Variants in PRKN observed in about 807,000 individuals in gnomAD.
PRKN encodes E3 ubiquitin-protein ligase parkin.
Under a neutral mutation model 59.5 loss-of-function variants are expected in PRKN, and 56 were observed. The ratio of observed to expected loss-of-function variants is 0.94; its 90% CI spans 0.76 to 1.18. PRKN has a LOEUF of 1.18. PRKN is among the 50% of genes most tolerant of loss of function. The probability of loss-of-function intolerance (pLI) is 0.00; values close to 1 mark genes in which losing one functional copy is unlikely to be tolerated. For synonymous variants in PRKN, 250 were observed against 222.1 expected, an observed-to-expected ratio of 1.13 and a Z score of -1.12; for missense variants, 657 against 596.4, an observed-to-expected ratio of 1.10 and a Z score of -1.06.
intron 7 of PRKN, among the ~76,000 whole-genome samples, chr6:161,657,615 G>C (rs1784397507): frequency 6.6e-6 from 1 of 152,164 alleles, no homozygotes; most frequent in Non-Finnish European, 1.5e-5. Context: ...ATTGCTAACA[G>C]TCCACCAGTT....
intron 4 of PRKN, among the ~76,000 whole-genome samples, chr6:162,084,231 G>T (rs551187946): frequency 1.3e-5 from 2 of 152,014 alleles, no homozygotes; most frequent in African/African-American, 4.8e-5. Flanking sequence ...CAAAACCTGC[G>T]ATTACTTTTG....
chr6:161,959,157 T>A (rs1780289434), intron 6 of PRKN, among the ~76,000 whole-genome samples: 1 of 152,192 alleles, frequency 6.6e-6, no homozygotes, highest in Admixed American at 6.5e-5. Context: ...TCCTGCCTGT[T>A]GCCCAAGGGC....
chr6:162,531,370 A>C (rs1562361277), intron 1 of PRKN, among the ~76,000 whole-genome samples: 1 of 152,134 alleles, frequency 6.6e-6, no homozygotes, highest in Non-Finnish European at 1.5e-5. Context: ...AGAAAGAGTA[A>C]TTCACGCAGA....
At position 161,363,386 on chromosome 6, in the gene PRKN, T is replaced by C. The variant is rs1785059856; in HGVS notation, c.1168-3181A>G. 6.6e-6 allele frequency among the ~76,000 whole-genome samples: 1 copy of C among 152,252 alleles called. No homozygotes were observed. The highest frequency in any genetic ancestry group is 2.4e-5 in the African/African-American group (1 of 41,466). On this transcript the variant is annotated intron_variant, in intron 10 of 11. Transcript: ENST00000366898. The surrounding 1 kb of genome is among the most constrained non-coding windows in gnomAD (Gnocchi z 4.1). Reference sequence around the variant, plus strand: ...AATTTCTTTGTTTTGTCCATTTTTCTGGACATGAAACACTAATAATTAAAA... The same window carrying C: ...AATTTCTTTGTTTTGTCCATTTTTCCGGACATGAAACACTAATAATTAAAA...
chr6:162,208,068 G>A (rs1016567792), intron 3 of PRKN, among the ~76,000 whole-genome samples: 8 of 152,148 alleles, frequency 5.3e-5, no homozygotes, highest in African/African-American at 1.7e-4. Context: ...ATAAAAAAAT[G>A]TTTATATAGG....
At chr6:161,567,037 T>TTTTTTTTTGTGTG (rs548743646) in intron 8 of PRKN, among the ~76,000 whole-genome samples, 1 of 103,770 alleles carries the variant, frequency 9.6e-6, no homozygotes. Flanking sequence ...TTTTTTTTTT[T>TTTTTTTTTGTGTG]TGTGTGTGTG....
chr6:161,529,886 G>A lies in PRKN; in HGVS notation c.1083+18968C>T, dbSNP rs1779141705. 1.3e-5 allele frequency among the ~76,000 whole-genome samples: 2 copies of A among 152,146 alleles called. No homozygotes were observed. The highest frequency in any genetic ancestry group is 6.5e-5 in the Admixed American group (1 of 15,278). On this transcript the variant is annotated intron_variant, in intron 9 of 11. Transcript: ENST00000366898. This position sits in a 1 kb window ranked among gnomAD's most constrained non-coding sequence, Gnocchi z 4.4. ...AAAATACCACTTGACACAAATTAAT[G>A]TCAATCCTTGAGGGACCAGTTCCTT...
intron 1 of PRKN, among the ~76,000 whole-genome samples, chr6:162,617,509 G>A (rs1469206197): frequency 6.6e-6 from 1 of 152,136 alleles, no homozygotes; most frequent in Admixed American, 6.5e-5. Flanking sequence ...TGGGATTACA[G>A]GCATGAGTCA....
chr6:161,910,336 C>T (rs1778308683), intron 6 of PRKN, among the ~76,000 whole-genome samples: 1 of 152,128 alleles, frequency 6.6e-6, no homozygotes. Flanking sequence ...CTCACCACAA[C>T]CTCCACCTCC....
intron 2 of PRKN, among the ~76,000 whole-genome samples, chr6:162,289,001 AG>A (rs1216381143): frequency 1.3e-5 from 2 of 152,200 alleles, no homozygotes; most frequent in African/African-American, 4.8e-5. Context: ...ACTACAACAT[AG>A]GATGTGGAAT....
rs1382121549 is a variant in PRKN at position 161,386,790 on chromosome 6, G to C, written c.1167+4C>G. ...CTTGGAGGAATGAGTAGGGCATTCT[G>C]TACCTGAGTAGTTGTTCCTGAGGCT... On this transcript the variant is annotated splice_donor_region_variant and intron_variant, in intron 10 of 11. Transcript: ENST00000366898. The surrounding 1 kb of genome is among the most constrained non-coding windows in gnomAD (Gnocchi z 4.3). 6.2e-7 allele frequency: 1 copy of C among 1,605,868 alleles called. No individual in the cohort carries two copies. The highest frequency in any genetic ancestry group is 2.2e-5 in the East Asian group (1 of 44,820).
At chr6:162,244,212 A>G (rs1208821976) in intron 3 of PRKN, among the ~76,000 whole-genome samples, 1 of 152,108 alleles carries the variant, frequency 6.6e-6, no homozygotes. Context: ...TCAAGAGGCC[A>G]TTTTGAATGG....
At chr6:162,677,013 AC>A (rs1779573473) in intron 1 of PRKN, among the ~76,000 whole-genome samples, 1 of 150,770 alleles carries the variant, frequency 6.6e-6, no homozygotes, top group Non-Finnish European at 1.5e-5. Flanking sequence ...GTGGGCAGAG[AC>A]GGTGCAACTG....
chr6:161,782,893 C>CA (rs1184862192), intron 7 of PRKN, among the ~76,000 whole-genome samples: 2 of 150,704 alleles, frequency 1.3e-5, no homozygotes, highest in African/African-American at 2.4e-5. Context: ...GACTCCATCT[C>CA]AAAAAAATAA....
Position 161,896,299 on chromosome 6 carries a change from G to GT in PRKN, c.734+77002dup, listed in dbSNP as rs563912039. 2.6e-5 allele frequency among the ~76,000 whole-genome samples: 4 copies of GT among 152,328 alleles called. No individual in the cohort carries two copies. In the South Asian group the frequency reaches 8.3e-4, roughly 32 times the overall value. The stretch of plus-strand genomic sequence containing the variant: ...AGACAGTGGAAGTGCTGCTCTGTCA[G>GT]TTTTGGGGCTCATGCCTAAAAATGG... On this transcript the variant is annotated intron_variant, in intron 6 of 11. Coordinates refer to ENST00000366898, the MANE Select transcript of PRKN (RefSeq NM_004562.3).
chr6:162,573,694 G>A (rs1365644300), intron 1 of PRKN, among the ~76,000 whole-genome samples: 2 of 152,062 alleles, frequency 1.3e-5, no homozygotes, highest in Admixed American at 6.5e-5. Flanking sequence ...CCCCTTCCTA[G>A]TTAAAAATTT....
intron 5 of PRKN, among the ~76,000 whole-genome samples, chr6:162,040,979 G>A (rs1784049136): frequency 6.6e-6 from 1 of 151,032 alleles, no homozygotes; most frequent in Non-Finnish European, 1.5e-5. Context: ...GAGGTCAGGA[G>A]TTCAAGACCA....
intron 6 of PRKN, among the ~76,000 whole-genome samples, chr6:161,825,096 C>A (rs911078577): frequency 1.3e-5 from 2 of 151,930 alleles, no homozygotes; most frequent in African/African-American, 4.8e-5. Context: ...AAATTGTAAT[C>A]GACTATGCTT....
chr6:162,702,954 TA>T (rs1302958759), intron 1 of PRKN, among the ~76,000 whole-genome samples: 1 of 152,210 alleles, frequency 6.6e-6, no homozygotes, highest in Non-Finnish European at 1.5e-5. Flanking sequence ...AGCCAGTTTT[TA>T]AAGTTATTTA....
Sources: allele counts gnomAD v4.1 joint callset (sites outside exome capture counted in the v4.1 genomes callset), GRCh38; gene constraint gnomAD v4.1.1; non-coding constraint Gnocchi (gnomAD v3.1); transcripts MANE v1.5; gene names NCBI Gene and HGNC (gene_info 2026-07-23, HGNC 2026-07-21).